The following POLE2 variants were observed in gnomAD, a reference collection of about 807,000 sequenced individuals.
The protein encoded by POLE2 is DNA polymerase epsilon 2, accessory subunit.
In POLE2, 56 loss-of-function variants were observed where a neutral mutation model predicts 79.4. The observed-to-expected ratio is 0.71, with a 90% CI of 0.57 to 0.88. The LOEUF (loss-of-function observed/expected upper bound fraction) is 0.88. POLE2 is among the 40% of genes least tolerant of loss of function. The probability of loss-of-function intolerance (pLI) is 0.00; values close to 1 mark genes in which losing one functional copy is unlikely to be tolerated. For missense variants in POLE2, 598 were observed against 638.9 expected (o/e 0.94, Z 0.69); for synonymous variants, 212 against 214.0 (o/e 0.99, Z 0.08).
chr14:49,683,174 G>C (rs1322568407), intron 2 of POLE2, among the ~76,000 whole-genome samples: 1 of 152,216 alleles, frequency 6.6e-6, no homozygotes, highest in Non-Finnish European at 1.5e-5. Context: ...GGCCGAGGCA[G>C]GTGGACTGCG....
intron 3 of POLE2, among the ~76,000 whole-genome samples, chr14:49,674,818 G>A (rs1185752273): frequency 6.6e-6 from 1 of 151,840 alleles, no homozygotes; most frequent in Admixed American, 6.6e-5. Flanking sequence ...CACTCACCTC[G>A]GCCTCCCAAA....
intron 10 of POLE2, among the ~76,000 whole-genome samples, chr14:49,660,026 T>C (rs1884988041): frequency 6.6e-6 from 1 of 152,188 alleles, no homozygotes; most frequent in Non-Finnish European, 1.5e-5. Flanking sequence ...ACTCACTGAC[T>C]CACTCAGAGC....
chr14:49,666,336 T>C lies in POLE2; in HGVS notation c.570A>G (p.Leu190=). ...TTGATGCTTATTAAGTTACCTCTTT[T>C]AACTGCGTTATCATTCCAAGAACAA... ...DAIVLGMITQ[L]KEGKFFLEDP... Residue 190 remains leucine (L), a synonymous_variant, in exon 7 of 19, where the codon TTA becomes TTG. Coordinates refer to ENST00000216367, the MANE Select transcript of POLE2 (RefSeq NM_002692.4). The C allele has an allele frequency of 6.6e-7, 1 of 1,518,592 alleles. No individual in the cohort carries two copies. The highest frequency in any genetic ancestry group is 8.9e-7 in the Non-Finnish European group (1 of 1,119,706). 94.1% of individuals were successfully genotyped at this position (1,518,592 alleles called of 1,614,324 possible).
At chr14:49,682,810 T>C (rs1170227242) in intron 2 of POLE2, among the ~76,000 whole-genome samples, 1 of 151,452 alleles carries the variant, frequency 6.6e-6, no homozygotes, top group African/African-American at 2.4e-5. Flanking sequence ...TAAGTTAAAA[T>C]GACTAGCCAT....
In POLE2 at chr14:49,663,381, A is replaced by G; in HGVS notation, c.689T>C (p.Phe230Ser). The change falls in exon 10 of 19, where the codon TTT becomes TCT. Residue 230 changes from phenylalanine (F) to serine (S), a missense_variant. Physicochemically the swap from Phe to Ser is radical, Grantham distance 155. Coordinates refer to ENST00000216367, the MANE Select transcript of POLE2 (RefSeq NM_002692.4). ...EACFVLAEGW[F>S]EDQVFHVNAF... ...ATTGACATGAAACACTTGATCTTCA[A>G]ACCAACCTGAAAAAAAGTAACGTCA... is the stretch of plus-strand genomic sequence containing the variant. 1 of 1,608,494 alleles carries G rather than the reference A, an allele frequency of 6.2e-7. No homozygotes were observed. The highest frequency in any genetic ancestry group is 8.5e-7 in the Non-Finnish European group (1 of 1,176,298).
chr14:49,677,960 G>C (rs372357244), intron 3 of POLE2: 5 of 279,760 alleles, frequency 1.8e-5, no homozygotes, highest in African/African-American at 1.1e-4. Flanking sequence ...ATCACTCACT[G>C]GAATCTCTAC....
At chr14:49,652,169 G>GTAAAAGCTGGAGACCAATT (rs374689507) in intron 15 of POLE2, among the ~76,000 whole-genome samples, 1 of 42,954 alleles carries the variant, frequency 2.3e-5, no homozygotes, top group African/African-American at 7.6e-5. Flanking sequence ...AGAATACGGA[G>GTAAAAGCTGGAGACCAATT]AGGAGAATGG....
Position 49,666,385 on chromosome 14 carries a change from C to A in POLE2, c.521G>T (p.Ser174Ile), listed in dbSNP as rs751453028. The change falls in exon 7 of 19, where the codon AGT becomes ATT. Residue 174 changes from serine to isoleucine, a missense_variant. Ser to Ile is a moderately radical substitution (Grantham distance 142). Coordinates refer to ENST00000216367, the MANE Select transcript of POLE2 (RefSeq NM_002692.4). ...AATCGCATCTCCGATTTTGGTTGTA[C>A]TACCCAATAAGGTTTCTATTGTTTT... is the stretch of plus-strand genomic sequence containing the variant. ...QLKTIETLLG[S>I]TTKIGDAIVL... 6.6e-7 allele frequency: 1 copy of A among 1,521,978 alleles called. No homozygotes were observed. Among genetic ancestry groups the A allele is most frequent in the Non-Finnish European group, 8.9e-7 (1 of 1,122,888 alleles). 94.3% of individuals were successfully genotyped at this position (1,521,978 alleles called of 1,614,324 possible).
intron 18 of POLE2, among the ~76,000 whole-genome samples, chr14:49,645,443 A>C (rs966579574): frequency 1.3e-5 from 2 of 152,240 alleles, no homozygotes; most frequent in East Asian, 3.8e-4. Context: ...ATATATCTTG[A>C]AACTTTTCTG....
rs570769733 is a variant in POLE2 at position 49,652,528 on chromosome 14, C to G, written c.1212-1151G>C. Among the ~76,000 whole-genome samples the G allele has an allele frequency of 3.3e-5, 5 of 152,206 alleles. No homozygotes were observed. In the East Asian group the frequency reaches 9.7e-4, roughly 29 times the overall value. ...ATCTGTATTTACAGCCACTCCCCATCGGTTGTATTACATCCTGACCTCTGC... is the reference window on the plus strand; with the variant it reads ...ATCTGTATTTACAGCCACTCCCCATGGGTTGTATTACATCCTGACCTCTGC... On this transcript the variant is annotated intron_variant, in intron 15 of 18. Coordinates refer to ENST00000216367, the MANE Select transcript of POLE2 (RefSeq NM_002692.4).
At chr14:49,654,981 T>C (rs763199923) in intron 12 of POLE2, 24 bp downstream of exon 12, 15 of 1,467,518 alleles carry the variant, frequency 1.0e-5, no homozygotes, top group Non-Finnish European at 1.4e-5. Context: ...TAGAAACACT[T>C]CTTATTAAAT....
intron 3 of POLE2, 92 bp from the exon 4 acceptor site, chr14:49,674,519 AAC>A: frequency 2.6e-6 from 2 of 766,034 alleles, no homozygotes; most frequent in Non-Finnish European, 4.5e-6. Flanking sequence ...TATTTGTAAT[AAC>A]ACACTTTTCA....
At chr14:49,679,494 T>C in intron 3 of POLE2, 1 of 399,302 alleles carries the variant, frequency 2.5e-6, no homozygotes, top group East Asian at 3.8e-5. Flanking sequence ...CAAAAGTTAG[T>C]AATGAATGGT....
At chr14:49,657,261 A>G (rs967297653) in intron 10 of POLE2, among the ~76,000 whole-genome samples, 1 of 152,234 alleles carries the variant, frequency 6.6e-6, no homozygotes, top group East Asian at 1.9e-4. Flanking sequence ...TCACAGTAAT[A>G]GAAAATGTTG....
chr14:49,664,948 G>A (rs1431684022), intron 8 of POLE2, 159 bp downstream of exon 8: 3 of 622,394 alleles, frequency 4.8e-6, no homozygotes, highest in South Asian at 2.0e-5. Flanking sequence ...AATTAAAGTT[G>A]TTCTGTCCCT....
intron 10 of POLE2, among the ~76,000 whole-genome samples, chr14:49,663,048 T>C (rs1341423241): frequency 1.3e-5 from 2 of 152,258 alleles, no homozygotes; most frequent in Non-Finnish European, 2.9e-5. Context: ...CTTCAACTTC[T>C]CATCAACCCC....
intron 17 of POLE2, 109 bp downstream of exon 17, chr14:49,650,156 T>C (rs886837168): frequency 2.0e-5 from 11 of 554,908 alleles, no homozygotes; most frequent in South Asian, 7.3e-5. Flanking sequence ...GTTTCACTAA[T>C]AGCATATTTT....
intron 3 of POLE2, among the ~76,000 whole-genome samples, chr14:49,678,346 G>C (rs931541501): frequency 6.6e-6 from 1 of 152,014 alleles, no homozygotes; most frequent in Non-Finnish European, 1.5e-5. Context: ...CCTGGACAAG[G>C]GGCTTTACTG....
chr14:49,652,490 C>G (rs1255778012), intron 15 of POLE2, among the ~76,000 whole-genome samples: 1 of 152,140 alleles, frequency 6.6e-6, no homozygotes, highest in East Asian at 1.9e-4. Flanking sequence ...AGGCTGCAAG[C>G]AAGCAAAGCT....
Sources: gnomAD v4.1 joint callset for allele counts (sites outside exome capture counted in the v4.1 genomes callset) on GRCh38, gnomAD v4.1.1 for gene constraint, MANE v1.5 for transcripts, NCBI Gene and HGNC (gene_info 2026-07-23, HGNC 2026-07-21) for gene names.